MAPKAP1: variants seen among roughly 807,000 people sequenced by gnomAD.
MAPKAP1 encodes the protein target of rapamycin complex 2 subunit MAPKAP1.
MAPKAP1 carries 20 observed loss-of-function variants against 65.7 expected under a neutral mutation model. The ratio of observed to expected loss-of-function variants is 0.30; its 90% confidence interval spans 0.21 to 0.44. MAPKAP1 has a LOEUF of 0.44. MAPKAP1 is among the 20% of genes least tolerant of loss of function. The pLI, the probability that MAPKAP1 is intolerant of heterozygous loss-of-function variation, is 1.00. For missense variants in MAPKAP1, 423 were observed against 648.0 expected (o/e 0.65, Z 3.77); for synonymous variants, 222 against 244.3 (o/e 0.91, Z 0.85).
chr9:125,652,399 C>T (rs1038115915), intron 4 of MAPKAP1: 9 of 461,436 alleles, frequency 2.0e-5, no homozygotes, highest in South Asian at 1.1e-4. Flanking sequence ...AATATTTCCC[C>T]TGATACATTT....
chr9:125,589,234 T>G (rs1831880405), intron 4 of MAPKAP1, among the ~76,000 whole-genome samples: 1 of 152,230 alleles, frequency 6.6e-6, no homozygotes. Flanking sequence ...TTTGCAGTTA[T>G]TCTCTCACAC....
chr9:125,525,056 C>G (rs1829724219), intron 7 of MAPKAP1, among the ~76,000 whole-genome samples: 1 of 152,212 alleles, frequency 6.6e-6, no homozygotes, highest in African/African-American at 2.4e-5. Flanking sequence ...AATACATGGA[C>G]TCAATTTGAG....
At chr9:125,582,786 G>T (rs1244011459) in intron 5 of MAPKAP1, among the ~76,000 whole-genome samples, 1 of 152,100 alleles carries the variant, frequency 6.6e-6, no homozygotes, top group East Asian at 1.9e-4. Context: ...AGTTCCTTTG[G>T]TCCCATACCC....
chr9:125,468,224 T>A (rs1305851941), intron 9 of MAPKAP1, 115 bp from the exon 10 acceptor site: 3 of 1,091,780 alleles, frequency 2.7e-6, no homozygotes, highest in Non-Finnish European at 4.0e-6. Flanking sequence ...CGTGAGCTCT[T>A]TCTTAGGGCT....
intron 7 of MAPKAP1, among the ~76,000 whole-genome samples, chr9:125,521,170 T>TACAGAGAG (rs1250636283): frequency 1.3e-5 from 2 of 152,220 alleles, no homozygotes; most frequent in East Asian, 3.8e-4. Flanking sequence ...GAGAGTGTGC[T>TACAGAGAG]TGAAGGCGCA....
At chr9:125,625,879 T>C (rs984810497) in intron 4 of MAPKAP1, among the ~76,000 whole-genome samples, 3 of 152,228 alleles carry the variant, frequency 2.0e-5, no homozygotes, top group Non-Finnish European at 2.9e-5. Flanking sequence ...GTTTTATTTT[T>C]AGTTTCAAGT....
chr9:125,489,565 A>G (rs1425469716), intron 8 of MAPKAP1, among the ~76,000 whole-genome samples: 1 of 152,180 alleles, frequency 6.6e-6, no homozygotes, highest in African/African-American at 2.4e-5. Context: ...AAGAATGACA[A>G]TCACAATGTA....
chr9:125,652,723 A>G (rs1833927628), intron 4 of MAPKAP1, among the ~76,000 whole-genome samples: 1 of 152,178 alleles, frequency 6.6e-6, no homozygotes, highest in South Asian at 2.1e-4. Context: ...AGCGATCACC[A>G]ATATTGAACC....
At chr9:125,496,463 A>G (rs10986777) in intron 8 of MAPKAP1, among the ~76,000 whole-genome samples, 2,989 of 152,256 alleles carry the variant, frequency 0.02, 161 homozygotes, top group East Asian at 0.15. Flanking sequence ...GCATGATCAC[A>G]TTTTCTTGTG....
intron 4 of MAPKAP1, among the ~76,000 whole-genome samples, chr9:125,632,257 A>G (rs529183727): frequency 7.1e-4 from 108 of 151,398 alleles, no homozygotes; most frequent in Non-Finnish European, 1.1e-3. Context: ...CACCATACTA[A>G]ACTTTTCCTC....
chr9:125,666,269 A>C (rs1834337367), intron 3 of MAPKAP1, among the ~76,000 whole-genome samples: 1 of 152,166 alleles, frequency 6.6e-6, no homozygotes, highest in Non-Finnish European at 1.5e-5. Flanking sequence ...TAAGTTCATA[A>C]AGAACTGAGG....
chr9:125,556,369 C>G (rs1363984461), intron 6 of MAPKAP1, among the ~76,000 whole-genome samples: 1 of 152,224 alleles, frequency 6.6e-6, no homozygotes, highest in Non-Finnish European at 1.5e-5. Flanking sequence ...TAAACCAACA[C>G]CAGATTCCCC....
At chr9:125,527,714 T>C (rs1311686796) in intron 7 of MAPKAP1, among the ~76,000 whole-genome samples, 1 of 152,206 alleles carries the variant, frequency 6.6e-6, no homozygotes, top group Non-Finnish European at 1.5e-5. Context: ...AACTTCCTCC[T>C]GCTGGGCACC....
At chr9:125,494,082 CG>C (rs764241206) in intron 8 of MAPKAP1, among the ~76,000 whole-genome samples, 32 of 152,130 alleles carry the variant, frequency 2.1e-4, no homozygotes, top group Non-Finnish European at 4.6e-4. Flanking sequence ...TCCACTCCCT[CG>C]GTAAGACTTA....
At chr9:125,599,604 CTTTTTT>C (rs72065538) in intron 4 of MAPKAP1, among the ~76,000 whole-genome samples, 1 of 126,472 alleles carries the variant, frequency 7.9e-6, no homozygotes, top group Non-Finnish European at 1.7e-5. Context: ...ATGTAAGTCC[CTTTTTT>C]TTTTTTTTTT....
intron 9 of MAPKAP1, among the ~76,000 whole-genome samples, chr9:125,470,896 A>C (rs1417895103): frequency 6.6e-6 from 1 of 152,086 alleles, no homozygotes; most frequent in African/African-American, 2.4e-5. Flanking sequence ...TCTTCATTTT[A>C]GATTGATCTG....
At chr9:125,596,085 G>A in intron 4 of MAPKAP1, 1 of 1,027,360 alleles carries the variant, frequency 9.7e-7, no homozygotes, top group East Asian at 2.4e-5. Flanking sequence ...GACTGACCGA[G>A]GCAGTGGCAA....
intron 6 of MAPKAP1, among the ~76,000 whole-genome samples, chr9:125,544,175 TA>T: frequency 6.6e-6 from 1 of 152,228 alleles, no homozygotes; most frequent in Middle Eastern, 3.4e-3. Context: ...CGTGCCTGGC[TA>T]ATTTTTGTAG....
intron 4 of MAPKAP1, among the ~76,000 whole-genome samples, chr9:125,651,371 G>A (rs200973802): frequency 1.3e-5 from 2 of 152,106 alleles, no homozygotes; most frequent in South Asian, 2.1e-4. Context: ...TTGGGAGGCC[G>A]AGGCGGGCAG....
Sources: allele counts gnomAD v4.1 joint callset (sites outside exome capture counted in the v4.1 genomes callset), GRCh38; gene constraint gnomAD v4.1.1; transcripts MANE v1.5; gene names NCBI Gene and HGNC (gene_info 2026-07-23, HGNC 2026-07-21).